The following GRID2 variants were observed in gnomAD, a reference collection of about 807,000 sequenced individuals.
GRID2 encodes glutamate ionotropic receptor delta type subunit 2, also known as glutamate receptor ionotropic, delta-2.
GRID2 carries 33 observed loss-of-function variants against 114.8 expected under a neutral mutation model. The ratio of observed to expected loss-of-function variants is 0.29; its 90% CI spans 0.22 to 0.38. The LOEUF (loss-of-function observed/expected upper bound fraction) is 0.38. Ranked by LOEUF, GRID2 falls within the 10% of genes least tolerant of loss-of-function variation. The pLI, the probability that GRID2 is intolerant of heterozygous loss-of-function variation, is 1.00. For missense variants in GRID2, 1,184 were observed against 1,257.7 expected, an observed-to-expected ratio of 0.94 and a Z score of 0.89; for synonymous variants, 505 against 449.9, an observed-to-expected ratio of 1.12 and a Z score of -1.55.
intron 2 of GRID2, among the ~76,000 whole-genome samples, chr4:92,925,073 C>T (rs1051782245): frequency 2.0e-5 from 3 of 152,190 alleles, no homozygotes; most frequent in East Asian, 3.9e-4. Flanking sequence ...TAAAATAACA[C>T]GTGGTGTCTT....
At chr4:92,342,007 C>A (rs1235000003) in intron 1 of GRID2, among the ~76,000 whole-genome samples, 2 of 151,328 alleles carry the variant, frequency 1.3e-5, no homozygotes, top group East Asian at 1.9e-4. Context: ...TGAGGAATAA[C>A]AAACTTATTT....
intron 9 of GRID2, among the ~76,000 whole-genome samples, chr4:93,418,124 A>G (rs1412260793): frequency 1.3e-5 from 2 of 151,782 alleles, no homozygotes; most frequent in Non-Finnish European, 2.9e-5. Context: ...AAATTTATAT[A>G]TCGAGCAGGA....
chr4:92,991,917 T>A (rs1426917786), intron 2 of GRID2, among the ~76,000 whole-genome samples: 2 of 152,160 alleles, frequency 1.3e-5, no homozygotes, highest in Non-Finnish European at 2.9e-5. Flanking sequence ...ATTTTTGAAG[T>A]TTTTTTAAAT....
chr4:93,732,161 C>T (rs1367807202), intron 14 of GRID2, among the ~76,000 whole-genome samples: 1 of 152,154 alleles, frequency 6.6e-6, no homozygotes, highest in Non-Finnish European at 1.5e-5. Flanking sequence ...ACATGCATAT[C>T]ATAGATTTTC....
intron 14 of GRID2, among the ~76,000 whole-genome samples, chr4:93,658,089 A>G (rs1723172749): frequency 1.3e-5 from 2 of 152,230 alleles, no homozygotes; most frequent in Non-Finnish European, 2.9e-5. Flanking sequence ...AGAAGCAAAA[A>G]ACAAGGTTTT....
chr4:93,460,420 C>T (rs1723633472), intron 11 of GRID2, among the ~76,000 whole-genome samples: 1 of 152,186 alleles, frequency 6.6e-6, no homozygotes, highest in Non-Finnish European at 1.5e-5. Flanking sequence ...TGATTAGACT[C>T]TACTCCCACT....
intron 14 of GRID2, among the ~76,000 whole-genome samples, chr4:93,748,558 A>T (rs75195878): frequency 0.042 from 6,469 of 152,272 alleles, 216 homozygotes; most frequent in African/African-American, 0.085. Context: ...TATTTCTTCT[A>T]GTAAGAAAAA....
rs62320915 is a variant in GRID2 at position 93,602,583 on chromosome 4, A to G, written c.2194-23686A>G. Among the ~76,000 whole-genome samples the G allele has an allele frequency of 4.8e-3, 736 of 152,292 alleles. 2 individuals carry two copies. Among genetic ancestry groups the G allele is most frequent in the Non-Finnish European group, 8.1e-3 (549 of 68,024 alleles). ...ACTACTATTGCAATTGTTATGAGGC[A>G]CTGTGAACTGTACCCACATGATGGC... On this transcript the variant is annotated intron_variant, in intron 13 of 15. Coordinates refer to ENST00000282020, the MANE Select transcript of GRID2 (RefSeq NM_001510.4).
chr4:93,257,992 A>G (rs1213792746), intron 8 of GRID2, among the ~76,000 whole-genome samples: 1 of 20,044 alleles, frequency 5.0e-5, no homozygotes, highest in Non-Finnish European at 1.0e-4. Context: ...ATATATATAT[A>G]TATATATACA....
At chr4:93,162,186 G>T (rs1428932959) in intron 4 of GRID2, among the ~76,000 whole-genome samples, 1 of 151,628 alleles carries the variant, frequency 6.6e-6, no homozygotes, top group African/African-American at 2.4e-5. Flanking sequence ...CCTCTGGAAT[G>T]AAAAAAATCT....
At chr4:93,485,655 T>C (rs1726313727) in intron 11 of GRID2, among the ~76,000 whole-genome samples, 1 of 151,760 alleles carries the variant, frequency 6.6e-6, no homozygotes, top group African/African-American at 2.4e-5. Context: ...TAGTACATAC[T>C]TTAGTGCCAG....
intron 14 of GRID2, among the ~76,000 whole-genome samples, chr4:93,725,431 C>A (rs998879660): frequency 2.0e-5 from 3 of 152,080 alleles, no homozygotes; most frequent in Non-Finnish European, 4.4e-5. Flanking sequence ...GTGAACAGTG[C>A]CGCAATAAAC....
chr4:92,728,430 T>C (rs995067568), intron 2 of GRID2, among the ~76,000 whole-genome samples: 2 of 152,118 alleles, frequency 1.3e-5, no homozygotes, highest in Non-Finnish European at 2.9e-5. Flanking sequence ...ATTGGAGATC[T>C]ACTTGTAAGC....
At chr4:93,131,449 C>A (rs1051010729) in intron 4 of GRID2, among the ~76,000 whole-genome samples, 5 of 151,562 alleles carry the variant, frequency 3.3e-5, no homozygotes, top group Non-Finnish European at 7.4e-5. Context: ...ACCACGCCTG[C>A]CCAATTAAAA....
At chr4:92,595,572 C>G (rs2149215252) in intron 2 of GRID2, among the ~76,000 whole-genome samples, 1 of 152,102 alleles carries the variant, frequency 6.6e-6, no homozygotes, top group African/African-American at 2.4e-5. Flanking sequence ...GTAAACATTT[C>G]ACTAATAAAA....
intron 2 of GRID2, among the ~76,000 whole-genome samples, chr4:92,611,133 T>G (rs1205623267): frequency 7.5e-6 from 1 of 132,466 alleles, no homozygotes; most frequent in Non-Finnish European, 1.6e-5. Flanking sequence ...TGTGTGTGCA[T>G]GTGTGTGTGT....
At chr4:92,861,773 T>C (rs1287845573) in intron 2 of GRID2, among the ~76,000 whole-genome samples, 1 of 152,048 alleles carries the variant, frequency 6.6e-6, no homozygotes, top group Admixed American at 6.5e-5. Flanking sequence ...GACTACTCTT[T>C]AAGTTAATCC....
At chr4:92,975,930 A>G (rs968162783) in intron 2 of GRID2, among the ~76,000 whole-genome samples, 3 of 151,632 alleles carry the variant, frequency 2.0e-5, no homozygotes, top group African/African-American at 7.3e-5. Flanking sequence ...CTATATGTGT[A>G]TATACACAGA....
At chr4:93,781,532 T>C (rs1734479019) in intron 1 of GRID2, among the ~76,000 whole-genome samples, 1 of 152,022 alleles carries the variant, frequency 6.6e-6, no homozygotes, top group African/African-American at 2.4e-5. Context: ...GGGGGTTGGT[T>C]CCCTCAGTGT....
Sources: gnomAD v4.1 joint callset for allele counts (sites outside exome capture counted in the v4.1 genomes callset) on GRCh38, gnomAD v4.1.1 for gene constraint, MANE v1.5 for transcripts, NCBI Gene and HGNC (gene_info 2026-07-23, HGNC 2026-07-21) for gene names.